Variants in TNFRSF10B observed in about 807,000 individuals in gnomAD.
TNFRSF10B encodes tumor necrosis factor receptor superfamily member 10B.
Under a neutral mutation model 41.4 loss-of-function variants are expected in TNFRSF10B, and 35 were observed. That is an observed-to-expected ratio of 0.85 (90% CI 0.65 to 1.12). The LOEUF (loss-of-function observed/expected upper bound fraction) is 1.12. Ranked by LOEUF, TNFRSF10B falls within the 50% of genes most tolerant of loss-of-function variation. TNFRSF10B has a pLI of 0.00. For missense variants in TNFRSF10B, 584 were observed against 552.7 expected (o/e 1.06, Z -0.57); for synonymous variants, 230 against 215.5 (o/e 1.07, Z -0.59).
At chr8:23,040,265 A>G (rs989045903) in intron 2 of TNFRSF10B, among the ~76,000 whole-genome samples, 2 of 121,022 alleles carry the variant, frequency 1.7e-5, no homozygotes, top group African/African-American at 6.9e-5. Context: ...TATATTTATT[A>G]AATATATATA....
intron 1 of TNFRSF10B, among the ~76,000 whole-genome samples, chr8:23,067,274 G>A (rs970666942): frequency 4.6e-5 from 7 of 151,566 alleles, no homozygotes; most frequent in Non-Finnish European, 7.4e-5. Flanking sequence ...TACCAGACCC[G>A]GCTGTTGTGG....
At chr8:23,030,732 T>C in intron 3 of TNFRSF10B, 27 bp downstream of exon 3, 4 of 1,568,762 alleles carry the variant, frequency 2.5e-6, no homozygotes, top group Non-Finnish European at 3.5e-6. Context: ...ATTCCACCTT[T>C]AGGCATGGGG....
Position 23,022,536 on chromosome 8 carries a change from T to A in TNFRSF10B, c.*135A>T, listed in dbSNP as rs759990073. 2 of 889,034 alleles carry A rather than the reference T, an allele frequency of 2.2e-6. No homozygotes were observed. Among genetic ancestry groups the A allele is most frequent in the Non-Finnish European group, 3.6e-6 (2 of 549,882 alleles). 55.1% of individuals were successfully genotyped at this position (889,034 alleles called of 1,614,324 possible). A position where few individuals can be genotyped will look rare whatever the true frequency, so the allele number is the denominator to read the frequency against. ...ACAGGATGTTCCATCCACTGGGTGA[T>A]GTTGGATGGGAGAGTTTCTTCCAGT... On this transcript the variant is annotated 3_prime_UTR_variant, in exon 9 of 9. Coordinates refer to ENST00000276431, the MANE Select transcript of TNFRSF10B (RefSeq NM_003842.5).
chr8:23,033,806 G>C (rs533656902), intron 2 of TNFRSF10B, among the ~76,000 whole-genome samples: 61 of 152,004 alleles, frequency 4.0e-4, no homozygotes, highest in Middle Eastern at 3.4e-3. Context: ...ACCAGAAGAG[G>C]GGGGGAGAGA....
chr8:23,054,238 C>T (rs1258031508), intron 1 of TNFRSF10B, among the ~76,000 whole-genome samples: 1 of 152,164 alleles, frequency 6.6e-6, no homozygotes, highest in African/African-American at 2.4e-5. Context: ...TCAAACAGGA[C>T]AGGAATTAAC....
intron 2 of TNFRSF10B, 192 bp downstream of exon 2, chr8:23,042,946 T>C: frequency 7.0e-6 from 4 of 573,542 alleles, no homozygotes; most frequent in Non-Finnish European, 1.2e-5. Context: ...ATCAGTTTCT[T>C]TGGCTGTCTC....
Position 23,068,923 on chromosome 8 carries a change from C to G in TNFRSF10B, c.-29G>C. On this transcript the variant is annotated 5_prime_UTR_variant, in exon 1 of 9. Coordinates refer to ENST00000276431, the MANE Select transcript of TNFRSF10B (RefSeq NM_003842.5). Reference sequence around the variant, plus strand: ...GGTAGGGAACGCTCTTATAGTCTCTCAGGCCCGTGGGTTTCAGCCCTTAAA... The same window carrying G: ...GGTAGGGAACGCTCTTATAGTCTCTGAGGCCCGTGGGTTTCAGCCCTTAAA... 2 of 1,613,176 alleles carry G rather than the reference C, an allele frequency of 1.2e-6. No homozygotes were observed. The highest frequency in any genetic ancestry group is 1.7e-6 in the Non-Finnish European group (2 of 1,179,926).
chr8:23,037,024 G>A (rs938686252), intron 2 of TNFRSF10B, among the ~76,000 whole-genome samples: 2 of 152,172 alleles, frequency 1.3e-5, no homozygotes, highest in African/African-American at 4.8e-5. Flanking sequence ...CTGGGGAAGA[G>A]GTGTGTGGAT....
intron 7 of TNFRSF10B, among the ~76,000 whole-genome samples, chr8:23,025,980 G>C (rs1394033672): frequency 6.6e-6 from 1 of 152,164 alleles, no homozygotes; most frequent in Non-Finnish European, 1.5e-5. Context: ...GGAAGCTGAG[G>C]TGAGAGGATG....
Position 23,029,671 on chromosome 8 carries a change from A to T in TNFRSF10B, c.415T>A (p.Cys139Ser). ...CTTTRNTVCQ[C>S]EEGTFREEDS... ...TCTTCCCGGAAGGTGCCTTCTTCGC[A>T]CTGACACACTGTGTTTCTGGTCGTG... Residue 139 changes from cysteine to serine, a missense_variant, in exon 4 of 9, where the codon TGC becomes AGC. Coordinates refer to ENST00000276431, the MANE Select transcript of TNFRSF10B (RefSeq NM_003842.5). 6.2e-7 allele frequency: 1 copy of T among 1,613,972 alleles called. No individual in the cohort carries two copies. The highest frequency in any genetic ancestry group is 8.5e-7 in the Non-Finnish European group (1 of 1,179,972).
At chr8:23,037,306 G>T (rs1445252549) in intron 2 of TNFRSF10B, among the ~76,000 whole-genome samples, 2 of 152,284 alleles carry the variant, frequency 1.3e-5, no homozygotes, top group South Asian at 2.1e-4. Flanking sequence ...GGCTACAGCT[G>T]CTACTGAGTG....
At chr8:23,054,729 T>C (rs943683665) in intron 1 of TNFRSF10B, among the ~76,000 whole-genome samples, 1 of 152,162 alleles carries the variant, frequency 6.6e-6, no homozygotes, top group African/African-American at 2.4e-5. Flanking sequence ...CCAAGTTATC[T>C]TGGAACCTCA....
At chr8:23,049,416 G>A (rs1812455938) in intron 1 of TNFRSF10B, among the ~76,000 whole-genome samples, 1 of 152,156 alleles carries the variant, frequency 6.6e-6, no homozygotes, top group African/African-American at 2.4e-5. Flanking sequence ...AAAAACAAGT[G>A]TGTGGGAGGG....
chr8:23,027,792 C>T, intron 5 of TNFRSF10B, 39 bp from the exon 6 acceptor site: 2 of 1,613,470 alleles, frequency 1.2e-6, no homozygotes, highest in Non-Finnish European at 8.5e-7. Context: ...AAGGGAGGGG[C>T]CCATGAAGCA....
chr8:23,068,737 C>A lies in TNFRSF10B; in HGVS notation c.144+14G>T. The A allele has an allele frequency of 6.4e-7, 1 of 1,565,890 alleles. No individual in the cohort carries two copies. Among genetic ancestry groups the A allele is most frequent in the Non-Finnish European group, 8.6e-7 (1 of 1,156,178 alleles). ...CACGCTCTTCCCCAGCCAGGGACCG[C>A]GGCGGGGACTCACCAACAGCAGGAC... On this transcript the variant is annotated intron_variant, in intron 1 of 8. Coordinates refer to ENST00000276431, the MANE Select transcript of TNFRSF10B (RefSeq NM_003842.5).
Position 23,068,884 on chromosome 8 carries a change from CG to C in TNFRSF10B, c.10del (p.Arg4GlyfsTer52). On this transcript the variant is annotated frameshift_variant, in exon 1 of 9. Coordinates refer to ENST00000276431, the MANE Select transcript of TNFRSF10B (RefSeq NM_003842.5). LOFTEE classifies it high-confidence loss of function. MEQ[R>X]GQNAPAASGA... ...CGAAGCGGCCGGGGCGTTCTGTCCC[CG>C]TTGTTCCATGGCGGTAGGGAACGCT... 6.2e-7 allele frequency: 1 copy of C among 1,613,542 alleles called. No homozygotes were observed. The highest frequency in any genetic ancestry group is 1.3e-5 in the African/African-American group (1 of 75,058).
intron 7 of TNFRSF10B, among the ~76,000 whole-genome samples, chr8:23,026,712 T>G (rs1334811959): frequency 2.6e-5 from 4 of 152,228 alleles, no homozygotes. Flanking sequence ...CGACTTGGAA[T>G]CCTACTTTTT....
intron 2 of TNFRSF10B, among the ~76,000 whole-genome samples, chr8:23,039,997 G>C (rs1431869831): frequency 6.6e-6 from 1 of 151,910 alleles, no homozygotes; most frequent in Non-Finnish European, 1.5e-5. Flanking sequence ...GTTTGAGACA[G>C]CCTGACCAAC....
At chr8:23,039,060 G>A (rs968792754) in intron 2 of TNFRSF10B, among the ~76,000 whole-genome samples, 1 of 151,744 alleles carries the variant, frequency 6.6e-6, no homozygotes, top group Non-Finnish European at 1.5e-5. Context: ...CCTATCTGGG[G>A]GTGATGGGAG....
Sources: allele counts gnomAD v4.1 joint callset (sites outside exome capture counted in the v4.1 genomes callset), GRCh38; gene constraint gnomAD v4.1.1; transcripts MANE v1.5; gene names NCBI Gene and HGNC (gene_info 2026-07-23, HGNC 2026-07-21).